ZNF540: variants seen among roughly 807,000 people sequenced by gnomAD.
ZNF540 encodes CTD-3064H18.6.
Under a neutral mutation model 11.8 loss-of-function variants are expected in ZNF540, and 3 were observed. The observed-to-expected ratio is 0.25, with a 90% confidence interval of 0.12 to 0.65. ZNF540 has a LOEUF of 0.65. Ranked by LOEUF, ZNF540 falls within the 30% of genes least tolerant of loss-of-function variation. ZNF540 has a pLI of 0.83. For synonymous variants in ZNF540, 247 were observed against 259.0 expected (o/e 0.95, Z 0.45); for missense variants, 709 against 793.1 (o/e 0.89, Z 1.27).
chr19:37,562,394 A>C (rs2147143105), intron 1 of ZNF540: 1 of 152,222 alleles, frequency 6.6e-6, no homozygotes, highest in East Asian at 1.9e-4. Context: ...TTTTGTTTGA[A>C]ACCAAAAAAG....
chr19:37,583,270 A>G (rs1157373283), intron 1 of ZNF540, among the ~76,000 whole-genome samples: 1 of 152,242 alleles, frequency 6.6e-6, no homozygotes, highest in Non-Finnish European at 1.5e-5. Context: ...GGCTAGAGAT[A>G]CTTATCCAAG....
At chr19:37,562,029 C>T (rs187393593) in intron 1 of ZNF540, among the ~76,000 whole-genome samples, 28 of 152,206 alleles carry the variant, frequency 1.8e-4, no homozygotes, top group Middle Eastern at 3.4e-3. Flanking sequence ...TATAATCATA[C>T]ACTATATACA....
At chr19:37,572,341 TAAAC>T (rs913543963) in intron 1 of ZNF540, among the ~76,000 whole-genome samples, 6 of 152,174 alleles carry the variant, frequency 3.9e-5, no homozygotes, top group African/African-American at 1.2e-4. Context: ...ATACCAGAAA[TAAAC>T]AATTCATAAG....
chr19:37,566,459 A>G, intron 1 of ZNF540: 1 of 726,482 alleles, frequency 1.4e-6, no homozygotes, highest in Non-Finnish European at 2.1e-6. Context: ...GAGAATAAAG[A>G]AAAAGGAGAG....
upstream of ZNF540, chr19:37,594,077 T>C (rs2043945804): frequency 6.6e-6 from 1 of 152,190 alleles, no homozygotes; most frequent in African/African-American, 2.4e-5. Context: ...CAATTTAGGA[T>C]AACACCAACC....
At chr19:37,584,245 T>G in intron 1 of ZNF540, 4 of 951,180 alleles carry the variant, frequency 4.2e-6, no homozygotes, top group Non-Finnish European at 6.2e-6. Context: ...CCTGATTCTC[T>G]ATCATTCCTA....
At chr19:37,605,250 C>T (rs1307569014) in intron 4 of ZNF540, among the ~76,000 whole-genome samples, 1 of 151,946 alleles carries the variant, frequency 6.6e-6, no homozygotes, top group Non-Finnish European at 1.5e-5. Context: ...CGCTTGAGCC[C>T]AGGGGTTCAA....
chr19:37,573,615 C>T (rs9941475), intron 1 of ZNF540, among the ~76,000 whole-genome samples: 38,071 of 150,390 alleles, frequency 0.25, 5,488 homozygotes, highest in East Asian at 0.63. Context: ...TCGCTTGGAC[C>T]CAGAAGTGCA....
intron 4 of ZNF540, among the ~76,000 whole-genome samples, chr19:37,608,462 A>T (rs867052105): frequency 6.6e-6 from 1 of 152,090 alleles, no homozygotes; most frequent in Non-Finnish European, 1.5e-5. Flanking sequence ...CCCTTAACAC[A>T]TTTCTTATAG....
In ZNF540 at chr19:37,611,864, C is replaced by T. The variant is rs1405757952; in HGVS notation, c.584C>T (p.Thr195Ile). Residue 195 changes from threonine to isoleucine, a missense_variant, in exon 5 of 5, where the codon ACT (threonine) becomes ATT (isoleucine). Coordinates refer to ENST00000316433, the MANE Select transcript of ZNF540 (RefSeq NM_001172225.3). ...CATGATTGTAAAGAATGTGGGAGTACTTTTAATAATGTCTATCAGCTTACT... is the reference window on the plus strand; with the variant it reads ...CATGATTGTAAAGAATGTGGGAGTATTTTTAATAATGTCTATCAGCTTACT... ...VKHDCKECGS[T>I]FNNVYQLTLH... The T allele has an allele frequency of 6.2e-7, 1 of 1,613,796 alleles. No homozygotes were observed.
In ZNF540 at chr19:37,613,024, A is replaced by G; in HGVS notation, c.1744A>G (p.Lys582Glu). Residue 582 changes from lysine (K) to glutamate (E), a missense_variant, in exon 5 of 5, where the codon AAA becomes GAA. Coordinates refer to ENST00000316433, the MANE Select transcript of ZNF540 (RefSeq NM_001172225.3). ...IHTGVKPYKCKECGKAFSRSV... is the reference protein window; with the variant it reads ...IHTGVKPYKCEECGKAFSRSV... ...TACGGGTGTAAAACCATACAAATGTAAAGAATGTGGGAAGGCCTTTAGTCG... is the reference window on the plus strand; with the variant it reads ...TACGGGTGTAAAACCATACAAATGTGAAGAATGTGGGAAGGCCTTTAGTCG... 1.2e-6 allele frequency: 2 copies of G among 1,614,182 alleles called. No individual in the cohort carries two copies. The highest frequency in any genetic ancestry group is 1.7e-6 in the Non-Finnish European group (2 of 1,180,010).
chr19:37,598,730 G>A (rs543379702), intron 2 of ZNF540, among the ~76,000 whole-genome samples: 1 of 152,304 alleles, frequency 6.6e-6, no homozygotes, highest in East Asian at 1.9e-4. Flanking sequence ...GATCTGAGGT[G>A]TAATGAAACC....
chr19:37,556,557 A>G (rs1032849338), intron 1 of ZNF540, among the ~76,000 whole-genome samples: 3 of 152,180 alleles, frequency 2.0e-5, no homozygotes, highest in African/African-American at 7.2e-5. Context: ...TTTAACAAAC[A>G]CTAGGTCTCC....
intron 1 of ZNF540, among the ~76,000 whole-genome samples, chr19:37,568,600 T>G (rs1476937612): frequency 1.3e-5 from 2 of 152,138 alleles, no homozygotes; most frequent in Non-Finnish European, 2.9e-5. Context: ...GGAGGCACTA[T>G]GAGAACACAG....
chr19:37,611,946 A>C lies in ZNF540; in HGVS notation c.666A>C (p.Lys222Asn). 6.2e-7 allele frequency: 1 copy of C among 1,613,592 alleles called. No individual in the cohort carries two copies. Among genetic ancestry groups the C allele is most frequent in the South Asian group, 1.1e-5 (1 of 91,056 alleles). The part of the protein sequence containing the change: ...EKSCKCEKCG[K>N]VFSHSYQLTL... ...CCTGTAAATGTGAGAAATGTGGGAA[A>C]GTTTTTAGTCATAGCTATCAACTTA... Residue 222 changes from lysine (K) to asparagine (N), a missense_variant, in exon 5 of 5, where the codon AAA becomes AAC. Physicochemically the swap from Lys to Asn is moderately conservative, Grantham distance 94 (BLOSUM62 0). Transcript: ENST00000316433.
At chr19:37,565,280 C>T (rs1600454751) in intron 1 of ZNF540, 2 of 1,611,100 alleles carry the variant, frequency 1.2e-6, no homozygotes, top group East Asian at 4.5e-5. Context: ...TGAATGAACT[C>T]TCAGGTGGTA....
chr19:37,598,143 C>T (rs2044010525), intron 1 of ZNF540, among the ~76,000 whole-genome samples: 1 of 152,170 alleles, frequency 6.6e-6, no homozygotes, highest in South Asian at 2.1e-4. Context: ...GCCCAGAACT[C>T]TCCTGCTGAA....
intron 1 of ZNF540, among the ~76,000 whole-genome samples, chr19:37,578,231 C>G (rs1330537940): frequency 6.6e-6 from 1 of 152,144 alleles, no homozygotes; most frequent in African/African-American, 2.4e-5. Flanking sequence ...TAGCGCTGGT[C>G]TAGAAGACCA....
upstream of ZNF540, among the ~76,000 whole-genome samples, chr19:37,593,727 A>C (rs910524389): frequency 3.3e-5 from 5 of 152,082 alleles, no homozygotes; most frequent in African/African-American, 1.2e-4. Context: ...CAAACAAAAA[A>C]ATCTTAGACC....
Sources: allele counts gnomAD v4.1 joint callset (sites outside exome capture counted in the v4.1 genomes callset), GRCh38; gene constraint gnomAD v4.1.1; transcripts MANE v1.5; gene names NCBI Gene and HGNC (gene_info 2026-07-23, HGNC 2026-07-21).